KIF1B: variants seen among roughly 807,000 people sequenced by gnomAD.
The protein encoded by KIF1B is kinesin family member 1B, also known as kinesin-like protein KIF1B.
KIF1B carries 76 observed loss-of-function variants against 241.9 expected under a neutral mutation model. That is an observed-to-expected ratio of 0.31 (90% CI 0.26 to 0.38). The LOEUF (loss-of-function observed/expected upper bound fraction) is 0.38. Ranked by LOEUF, KIF1B falls within the 10% of genes least tolerant of loss-of-function variation. KIF1B has a pLI of 1.00. For missense variants in KIF1B, 1,622 were observed against 2,271.4 expected (o/e 0.71, Z 5.81); for synonymous variants, 750 against 796.7 (o/e 0.94, Z 0.99).
intron 2 of KIF1B, among the ~76,000 whole-genome samples, chr1:10,253,495 TA>T (rs112135446): frequency 4.3e-4 from 65 of 152,026 alleles, no homozygotes; most frequent in African/African-American, 1.5e-3. Flanking sequence ...GAAAAATAAT[TA>T]GCCGGGTGTA....
At position 10,361,837 on chromosome 1, in the gene KIF1B, A is replaced by C; in HGVS notation, c.4304+12A>C. 1 of 1,613,328 alleles carries C rather than the reference A, an allele frequency of 6.2e-7. No individual in the cohort carries two copies. The highest frequency in any genetic ancestry group is 8.5e-7 in the Non-Finnish European group (1 of 1,180,010). On this transcript the variant is annotated intron_variant, in intron 40 of 48. Coordinates refer to ENST00000676179, the MANE Select transcript of KIF1B (RefSeq NM_001365951.3). The stretch of plus-strand genomic sequence containing the variant: ...AAGTCACCAGATTCGTAAGTTTTTC[A>C]CACAAGTTAGCTTCCAGTGTGTTTG...
intron 14 of KIF1B, among the ~76,000 whole-genome samples, chr1:10,279,880 T>C (rs1219119885): frequency 6.6e-6 from 1 of 152,030 alleles, no homozygotes; most frequent in Admixed American, 6.6e-5. Context: ...AATTTTTTAT[T>C]TGTAGAGGTG....
In KIF1B at chr1:10,337,013, A is replaced by G; in HGVS notation, c.3130-61A>G. 1.2e-6 allele frequency: 2 copies of G among 1,608,376 alleles called. No individual in the cohort carries two copies. On this transcript the variant is annotated intron_variant, in intron 29 of 48. Coordinates refer to ENST00000676179, the MANE Select transcript of KIF1B (RefSeq NM_001365951.3). This position sits in a 1 kb window ranked among gnomAD's most constrained non-coding sequence, Gnocchi z 4.0. ...TGGACAGATAAACAGAAGTAAGGCA[A>G]CTGGGGAAAAATACGTTTTTATACT... is the stretch of plus-strand genomic sequence containing the variant.
chr1:10,212,082 ATC>A (rs1441784753), intron 1 of KIF1B, among the ~76,000 whole-genome samples: 2 of 152,182 alleles, frequency 1.3e-5, no homozygotes, highest in Admixed American at 1.3e-4. Context: ...CCTTGCTCAT[ATC>A]TCTTACTGCT....
chr1:10,225,028 A>G (rs905216487), intron 1 of KIF1B, among the ~76,000 whole-genome samples: 6 of 152,190 alleles, frequency 3.9e-5, no homozygotes, highest in East Asian at 3.8e-4. Flanking sequence ...TTGCACTTCT[A>G]TGAAACTCTG....
At chr1:10,217,207 CAGG>C (rs1646780628) in intron 1 of KIF1B, among the ~76,000 whole-genome samples, 1 of 151,522 alleles carries the variant, frequency 6.6e-6, no homozygotes, top group Non-Finnish European at 1.5e-5. Flanking sequence ...CTCCTGACCT[CAGG>C]TGATCCGCCC....
chr1:10,329,323 C>G (rs919368882), intron 27 of KIF1B, among the ~76,000 whole-genome samples: 3 of 152,126 alleles, frequency 2.0e-5, no homozygotes, highest in South Asian at 2.1e-4. Context: ...GCAACATCAC[C>G]CAGTTGTGTA....
chr1:10,289,796 A>G (rs1214513576), intron 15 of KIF1B, among the ~76,000 whole-genome samples: 1 of 152,194 alleles, frequency 6.6e-6, no homozygotes, highest in Non-Finnish European at 1.5e-5. Flanking sequence ...GGACAGGAGA[A>G]TCGCTTGAAC....
intron 19 of KIF1B, 45 bp from the exon 20 acceptor site, chr1:10,296,537 C>T: frequency 6.8e-7 from 1 of 1,474,326 alleles, no homozygotes; most frequent in Non-Finnish European, 9.5e-7. Flanking sequence ...TATTTGATTC[C>T]AATAGTTTGT....
chr1:10,330,011 A>C (rs1238226793), intron 27 of KIF1B, among the ~76,000 whole-genome samples: 1 of 152,092 alleles, frequency 6.6e-6, no homozygotes, highest in African/African-American at 2.4e-5. Flanking sequence ...GTAGCACCAT[A>C]ATTTTGCTAA....
Position 10,273,021 on chromosome 1 carries a change from G to A in KIF1B, c.872G>A (p.Cys291Tyr), listed in dbSNP as rs1348200575. ...AAATGCTTTCACCTGTAGGATAACT[G>A]CACTAGCAAGGTACAGTGGGGATTG... ...VISALAEVDN[C>Y]TSKSKKKKKT... Residue 291 changes from cysteine to tyrosine, a missense_variant, in exon 10 of 49, where the codon TGC becomes TAC. By Grantham distance (194) the Cys-to-Tyr change is radical (BLOSUM62 -2). This residue lies in a region of KIF1B where 201 missense variants were observed against 301.2 expected (regional missense o/e 0.67). Coordinates refer to ENST00000676179, the MANE Select transcript of KIF1B (RefSeq NM_001365951.3). The A allele has an allele frequency of 2.6e-6, 4 of 1,546,230 alleles. No individual in the cohort carries two copies. Among genetic ancestry groups the A allele is most frequent in the Non-Finnish European group, 8.7e-7 (1 of 1,143,482 alleles).
At chr1:10,355,690 A>G (rs1652949747) in intron 38 of KIF1B, among the ~76,000 whole-genome samples, 1 of 152,148 alleles carries the variant, frequency 6.6e-6, no homozygotes, top group South Asian at 2.1e-4. Context: ...CATTTCATAC[A>G]GAATCTCAGG....
At chr1:10,318,325 A>G (rs945576116) in intron 22 of KIF1B, among the ~76,000 whole-genome samples, 4 of 151,516 alleles carry the variant, frequency 2.6e-5, no homozygotes, top group African/African-American at 4.9e-5. Context: ...GATGCATGGA[A>G]TGTTTGATGT....
In KIF1B at chr1:10,218,556, G is replaced by A. The variant is rs1349436894; in HGVS notation, c.-80+7678G>A. Among the ~76,000 whole-genome samples the A allele has an allele frequency of 2.0e-5, 3 of 152,030 alleles. No homozygotes were observed. In the East Asian group the frequency reaches 5.8e-4, roughly 29 times the overall value. ...CTGCCTCAGCCTCCCGAGTAGCTGG[G>A]ATTACAGTCATGTGCCATCACACCC... On this transcript the variant is annotated intron_variant, in intron 1 of 48. Transcript: ENST00000676179.
intron 1 of KIF1B, among the ~76,000 whole-genome samples, chr1:10,224,795 C>T (rs966877211): frequency 6.6e-6 from 1 of 151,438 alleles, no homozygotes; most frequent in East Asian, 1.9e-4. Flanking sequence ...GGAATTCAAC[C>T]AAAAAAAATA....
At chr1:10,263,133 A>C (rs967598480) in intron 5 of KIF1B, among the ~76,000 whole-genome samples, 2 of 151,834 alleles carry the variant, frequency 1.3e-5, no homozygotes, top group South Asian at 2.1e-4. Flanking sequence ...AAACACAAAA[A>C]ATTAGCCGGC....
At position 10,324,914 on chromosome 1, in the gene KIF1B, G is replaced by C. The variant is rs1418281758; in HGVS notation, c.2675+19G>C. On this transcript the variant is annotated intron_variant, in intron 26 of 48. Coordinates refer to ENST00000676179, the MANE Select transcript of KIF1B (RefSeq NM_001365951.3). The stretch of plus-strand genomic sequence containing the variant: ...TGGGGAGGTATGTGATGATTTTGTT[G>C]ATGTCTTCTTTTAAAATAATGATTA... The C allele has an allele frequency of 6.2e-7, 1 of 1,613,410 alleles. No individual in the cohort carries two copies. The highest frequency in any genetic ancestry group is 1.1e-5 in the South Asian group (1 of 91,054).
chr1:10,337,626 A>G lies in KIF1B; in HGVS notation c.3422+93A>G, dbSNP rs1652228908. ...GAGTGCTTTACATGTGTGAGGGATTAACACTCTTGAGACAAAGACTGATCA... is the reference window on the plus strand; with the variant it reads ...GAGTGCTTTACATGTGTGAGGGATTGACACTCTTGAGACAAAGACTGATCA... On this transcript the variant is annotated intron_variant, in intron 31 of 48. Transcript: ENST00000676179. This position sits in a 1 kb window ranked among gnomAD's most constrained non-coding sequence, Gnocchi z 4.0. The G allele has an allele frequency of 2.2e-6, 3 of 1,355,676 alleles. No individual in the cohort carries two copies. The Admixed American group carries it at 5.1e-5, about 23-fold the overall frequency. The allele number at this position is 1,355,676 out of a possible 1,614,324, so 84.0% of individuals were successfully genotyped here.
intron 37 of KIF1B, among the ~76,000 whole-genome samples, chr1:10,351,333 C>A (rs535796390): frequency 2.0e-5 from 3 of 152,154 alleles, no homozygotes; most frequent in African/African-American, 7.2e-5. Flanking sequence ...ACTATGGCTT[C>A]TCTGAAGGAT....
Sources: gnomAD v4.1 joint callset for allele counts (sites outside exome capture counted in the v4.1 genomes callset) on GRCh38, gnomAD v4.1.1 for gene constraint, gnomAD v4.1.1 regional missense constraint, Gnocchi (gnomAD v3.1) non-coding constraint, MANE v1.5 for transcripts, NCBI Gene and HGNC (gene_info 2026-07-23, HGNC 2026-07-21) for gene names.